Variants in GRID2 observed in about 807,000 individuals in gnomAD.
GRID2 encodes glutamate ionotropic receptor delta type subunit 2.
GRID2 carries 33 observed loss-of-function variants against 114.8 expected under a neutral mutation model. The ratio of observed to expected loss-of-function variants is 0.29; its 90% CI spans 0.22 to 0.38. The LOEUF is 0.38. GRID2 is among the 10% of genes least tolerant of loss of function. The probability of loss-of-function intolerance (pLI) is 1.00; values close to 1 mark genes in which losing one functional copy is unlikely to be tolerated. For missense variants in GRID2, 1,184 were observed against 1,257.7 expected (o/e 0.94, Z 0.89); for synonymous variants, 505 against 449.9 (o/e 1.12, Z -1.55).
rs1219361506 is a variant in GRID2 at position 93,003,520 on chromosome 4, A to G, written c.245-81475A>G. Among the ~76,000 whole-genome samples, 2 of 151,996 alleles carry G rather than the reference A, an allele frequency of 1.3e-5. 1 individual carries two copies. Among genetic ancestry groups the G allele is most frequent in the Middle Eastern group, 6.3e-3 (2 of 316 alleles). ...GCTAAACAATTACTGGAAGCATTTT[A>G]TATGGGAATAATTTACATACATTTG... is the stretch of plus-strand genomic sequence containing the variant. On this transcript the variant is annotated intron_variant, in intron 2 of 15. Coordinates refer to ENST00000282020, the MANE Select transcript of GRID2 (RefSeq NM_001510.4).
At chr4:92,825,053 A>T (rs968912692) in intron 2 of GRID2, among the ~76,000 whole-genome samples, 1 of 152,092 alleles carries the variant, frequency 6.6e-6, no homozygotes, top group Non-Finnish European at 1.5e-5. Context: ...AATTTTTTTT[A>T]AAAGTACTAA....
chr4:93,244,946 C>A (rs1257503622), intron 8 of GRID2, among the ~76,000 whole-genome samples: 2 of 151,566 alleles, frequency 1.3e-5, no homozygotes, highest in African/African-American at 4.8e-5. Flanking sequence ...GTAATTTGAG[C>A]CCATAATTGG....
intron 13 of GRID2, among the ~76,000 whole-genome samples, chr4:93,556,555 G>GA (rs1734333976): frequency 1.3e-5 from 2 of 151,980 alleles, no homozygotes; most frequent in Admixed American, 6.6e-5. Flanking sequence ...CAAGATTAGA[G>GA]AAAAAAGGAA....
At chr4:92,610,948 C>T (rs183279522) in intron 2 of GRID2, among the ~76,000 whole-genome samples, 34 of 151,208 alleles carry the variant, frequency 2.2e-4, no homozygotes, top group Admixed American at 1.4e-3. Context: ...TTTTTCCAGT[C>T]AATAATTGAA....
intron 2 of GRID2, among the ~76,000 whole-genome samples, chr4:92,729,032 C>T (rs1736202390): frequency 6.6e-6 from 1 of 151,920 alleles, no homozygotes; most frequent in Non-Finnish European, 1.5e-5. Flanking sequence ...TATAATGCAA[C>T]AGGCAGTGAT....
chr4:93,346,837 T>A (rs1161595522), intron 8 of GRID2, among the ~76,000 whole-genome samples: 1 of 152,198 alleles, frequency 6.6e-6, no homozygotes, highest in East Asian at 1.9e-4. Context: ...AATGTTAGAA[T>A]ATTACAAACC....
At chr4:92,829,745 T>A (rs1167849421) in intron 2 of GRID2, among the ~76,000 whole-genome samples, 1 of 152,124 alleles carries the variant, frequency 6.6e-6, no homozygotes, top group Admixed American at 6.6e-5. Flanking sequence ...TGGAATACTA[T>A]GCAGGCATAA....
At chr4:93,199,843 C>G (rs1741884443) in intron 4 of GRID2, among the ~76,000 whole-genome samples, 1 of 152,144 alleles carries the variant, frequency 6.6e-6, no homozygotes, top group Non-Finnish European at 1.5e-5. Context: ...CTCCCTATGT[C>G]TTGGCTTCAG....
intron 8 of GRID2, among the ~76,000 whole-genome samples, chr4:93,357,509 C>T (rs1323203395): frequency 6.6e-6 from 1 of 150,480 alleles, no homozygotes; most frequent in Non-Finnish European, 1.5e-5. Context: ...ATTAATTTTC[C>T]TTTTTATAGT....
intron 1 of GRID2, among the ~76,000 whole-genome samples, chr4:92,431,118 C>G (rs1281965758): frequency 1.3e-5 from 2 of 152,142 alleles, no homozygotes; most frequent in Non-Finnish European, 2.9e-5. Flanking sequence ...TCTGATTGCT[C>G]TAGCTAGCAC....
intron 14 of GRID2, among the ~76,000 whole-genome samples, chr4:93,750,703 C>A (rs1356406063): frequency 6.6e-6 from 1 of 151,840 alleles, no homozygotes; most frequent in Non-Finnish European, 1.5e-5. Context: ...TTGCAGTGAG[C>A]TGGGATCGCG....
intron 8 of GRID2, among the ~76,000 whole-genome samples, chr4:93,325,750 C>A (rs1453956233): frequency 2.6e-5 from 4 of 152,004 alleles, no homozygotes; most frequent in Non-Finnish European, 5.9e-5. Flanking sequence ...ATGATCTTAT[C>A]TGATGAAACC....
chr4:93,456,563 C>T (rs1292054193), intron 11 of GRID2, among the ~76,000 whole-genome samples: 2 of 152,010 alleles, frequency 1.3e-5, no homozygotes, highest in Non-Finnish European at 2.9e-5. Context: ...TCCAATCTGC[C>T]CAACTCTTTA....
At chr4:92,431,719 C>A (rs950691622) in intron 1 of GRID2, among the ~76,000 whole-genome samples, 1 of 152,032 alleles carries the variant, frequency 6.6e-6, no homozygotes, top group African/African-American at 2.4e-5. Context: ...CTCTGTCTCC[C>A]CCAGATTGGT....
intron 2 of GRID2, among the ~76,000 whole-genome samples, chr4:93,062,605 T>TA (rs1727907358): frequency 6.6e-6 from 1 of 152,072 alleles, no homozygotes; most frequent in Admixed American, 6.6e-5. Flanking sequence ...TTTTTTGTCT[T>TA]AATCTTTTCA....
intron 1 of GRID2, among the ~76,000 whole-genome samples, chr4:92,504,778 C>T (rs1223164950): frequency 6.6e-6 from 1 of 151,850 alleles, no homozygotes; most frequent in Admixed American, 6.6e-5. Flanking sequence ...TAAAATCGTA[C>T]CTTTTCTATC....
At chr4:93,739,976 C>T (rs1377917700) in intron 14 of GRID2, among the ~76,000 whole-genome samples, 1 of 152,210 alleles carries the variant, frequency 6.6e-6, no homozygotes, top group East Asian at 1.9e-4. Context: ...TCTTGAAAGA[C>T]AAATTTTAAG....
intron 2 of GRID2, among the ~76,000 whole-genome samples, chr4:92,998,299 T>C (rs896461293): frequency 3.3e-5 from 5 of 152,128 alleles, no homozygotes; most frequent in Non-Finnish European, 7.4e-5. Context: ...TATTTATTTA[T>C]GTATTTTGAA....
chr4:93,089,026 C>T (rs531394988), intron 3 of GRID2, among the ~76,000 whole-genome samples: 1 of 152,050 alleles, frequency 6.6e-6, no homozygotes, highest in African/African-American at 2.4e-5. Flanking sequence ...GTTTACTCCT[C>T]ATAATAGCCC....
Sources: gnomAD v4.1 joint callset for allele counts (sites outside exome capture counted in the v4.1 genomes callset) on GRCh38, gnomAD v4.1.1 for gene constraint, MANE v1.5 for transcripts, NCBI Gene and HGNC (gene_info 2026-07-23, HGNC 2026-07-21) for gene names.